Variants in SPECC1L observed in about 807,000 individuals in gnomAD.
The protein encoded by SPECC1L is sperm antigen with calponin homology and coiled-coil domains 1 like, also known as cytospin-A.
SPECC1L carries 40 observed loss-of-function variants against 116.8 expected under a neutral mutation model. That is an observed-to-expected ratio of 0.34 (90% CI 0.27 to 0.45). The LOEUF is 0.45. SPECC1L is among the 20% of genes least tolerant of loss of function. The probability of loss-of-function intolerance (pLI) is 1.00; values close to 1 mark genes in which losing one functional copy is unlikely to be tolerated. For synonymous variants in SPECC1L, 504 were observed against 500.6 expected (o/e 1.01, Z -0.09); for missense variants, 1,110 against 1,373.6 (o/e 0.81, Z 3.03).
intron 7 of SPECC1L, among the ~76,000 whole-genome samples, chr22:24,329,586 G>A (rs139985991): frequency 9.9e-5 from 15 of 152,266 alleles, no homozygotes; most frequent in African/African-American, 3.6e-4. Context: ...AATTGCTTTA[G>A]GGGTGTAGGG....
intron 14 of SPECC1L, among the ~76,000 whole-genome samples, chr22:24,381,741 A>G (rs1294289572): frequency 6.6e-6 from 1 of 151,922 alleles, no homozygotes; most frequent in Non-Finnish European, 1.5e-5. Context: ...AAAATTAGCC[A>G]GGCGTGGTGG....
chr22:24,288,615 C>CTTTTTTTTTT lies in SPECC1L; in HGVS notation c.-38+11832_-38+11841dup, dbSNP rs756714389. Among the ~76,000 whole-genome samples, 16 of 61,678 alleles carry CTTTTTTTTTT rather than the reference C, an allele frequency of 2.6e-4. 2 individuals are homozygous for CTTTTTTTTTT. Among genetic ancestry groups the CTTTTTTTTTT allele is most frequent in the East Asian group, 1.9e-3 (3 of 1,586 alleles). The allele number at this position is 61,678 out of a possible 152,430, so 40.5% of individuals were successfully genotyped here. ...GACTTCTCAAATCCAAAATTTTAAG[C>CTTTTTTTTTT]TTTTTTTTTTTTTTTTTTTTTTTTT... On this transcript the variant is annotated intron_variant, in intron 2 of 16. Coordinates refer to ENST00000314328, the MANE Select transcript of SPECC1L (RefSeq NM_015330.6).
At chr22:24,401,702 A>G (rs182870971) in intron 14 of SPECC1L, among the ~76,000 whole-genome samples, 26 of 152,276 alleles carry the variant, frequency 1.7e-4, no homozygotes, top group Admixed American at 1.4e-3. Context: ...GTCACATTTT[A>G]GATGTACCAC....
At chr22:24,353,281 C>T (rs1232097928) in intron 11 of SPECC1L, among the ~76,000 whole-genome samples, 1 of 152,138 alleles carries the variant, frequency 6.6e-6, no homozygotes, top group African/African-American at 2.4e-5. Flanking sequence ...CTTTAGTCCC[C>T]ACCAGTCTGC....
intron 14 of SPECC1L, among the ~76,000 whole-genome samples, chr22:24,391,726 C>T (rs547375695): frequency 2.6e-5 from 4 of 152,300 alleles, no homozygotes; most frequent in African/African-American, 9.6e-5. Context: ...GTTACTTCAC[C>T]AACTAGATGG....
intron 10 of SPECC1L, among the ~76,000 whole-genome samples, chr22:24,344,121 T>A (rs952367145): frequency 6.6e-6 from 1 of 152,108 alleles, no homozygotes; most frequent in Admixed American, 6.5e-5. Flanking sequence ...GAAGCTAGCA[T>A]TACCTGATAG....
chr22:24,314,137 T>C (rs770686299), intron 4 of SPECC1L, among the ~76,000 whole-genome samples: 1 of 151,794 alleles, frequency 6.6e-6, no homozygotes, highest in Non-Finnish European at 1.5e-5. Flanking sequence ...CTTCGCCTCC[T>C]GGGTTGATGC....
chr22:24,405,959 G>A (rs1393510192), intron 14 of SPECC1L, among the ~76,000 whole-genome samples: 1 of 152,154 alleles, frequency 6.6e-6, no homozygotes, highest in Non-Finnish European at 1.5e-5. Context: ...AGGGTAGTGT[G>A]CCCAGGAAGT....
intron 14 of SPECC1L, among the ~76,000 whole-genome samples, chr22:24,394,609 C>T (rs1200650663): frequency 6.6e-6 from 1 of 152,170 alleles, no homozygotes; most frequent in Non-Finnish European, 1.5e-5. Context: ...TCAGAAGCTG[C>T]CCAACTGTCT....
chr22:24,393,477 C>T (rs992199007), intron 14 of SPECC1L, among the ~76,000 whole-genome samples: 5 of 152,182 alleles, frequency 3.3e-5, no homozygotes, highest in African/African-American at 9.7e-5. Context: ...TGCCAGTTAG[C>T]GTCCACCCAG....
At position 24,416,575 on chromosome 22, in the gene SPECC1L, T is replaced by C. The variant is rs1043013574; in HGVS notation, c.*1952T>C. On this transcript the variant is annotated 3_prime_UTR_variant, in exon 17 of 17. Transcript: ENST00000314328. ...TTGCCTTCACAGAGGCCACTCCACC[T>C]GTCCGGATCCAGCTGTCTGGTCATG... is the stretch of plus-strand genomic sequence containing the variant. 5 of 152,322 alleles carry C rather than the reference T, an allele frequency of 3.3e-5. No individual in the cohort carries two copies. The highest frequency in any genetic ancestry group is 9.6e-5 in the African/African-American group (4 of 41,482). The allele number at this position is 152,322 out of a possible 1,614,324, so 9.4% of individuals were successfully genotyped here. A position where few individuals can be genotyped will look rare whatever the true frequency, so the allele number is the denominator to read the frequency against.
chr22:24,347,016 CTG>C, intron 10 of SPECC1L, 68 bp from the exon 11 acceptor site: 3 of 1,166,678 alleles, frequency 2.6e-6, no homozygotes, highest in Non-Finnish European at 2.6e-6. Context: ...AATATCTACT[CTG>C]TGCGGCATTT....
intron 14 of SPECC1L, among the ~76,000 whole-genome samples, chr22:24,396,191 T>C (rs937260673): frequency 6.6e-6 from 1 of 152,156 alleles, no homozygotes; most frequent in Non-Finnish European, 1.5e-5. Flanking sequence ...AGTCATGAAA[T>C]ACATATTTGA....
intron 2 of SPECC1L, among the ~76,000 whole-genome samples, chr22:24,279,147 TATTA>T (rs947992943): frequency 1.3e-5 from 2 of 152,230 alleles, no homozygotes; most frequent in East Asian, 1.9e-4. Context: ...TATATTGCCC[TATTA>T]ATTATTGAGA....
intron 14 of SPECC1L, among the ~76,000 whole-genome samples, chr22:24,383,853 A>C (rs1403257631): frequency 8.4e-6 from 1 of 119,566 alleles, no homozygotes; most frequent in Non-Finnish European, 1.6e-5. Context: ...GGGTTTTGCC[A>C]TGTTGTCCAG....
At chr22:24,389,519 T>G (rs1333299432) in intron 14 of SPECC1L, among the ~76,000 whole-genome samples, 1 of 139,526 alleles carries the variant, frequency 7.2e-6, no homozygotes, top group Non-Finnish European at 1.6e-5. Flanking sequence ...GGCTTTCGGG[T>G]TTTTTTTTTT....
intron 14 of SPECC1L, among the ~76,000 whole-genome samples, chr22:24,381,171 A>G (rs561724454): frequency 3.9e-5 from 6 of 152,298 alleles, no homozygotes; most frequent in East Asian, 1.9e-4. Context: ...CTTGTGTTGC[A>G]TCACTGTTTT....
Position 24,347,375 on chromosome 22 carries a change from A to C in SPECC1L, c.2743+199A>C, listed in dbSNP as rs62233135. ...TGTTAATGAATGCATCTTTCCTGACAGCTGTCATAATGGGTAATAGAGAGT... is the reference window on the plus strand; with the variant it reads ...TGTTAATGAATGCATCTTTCCTGACCGCTGTCATAATGGGTAATAGAGAGT... On this transcript the variant is annotated intron_variant, in intron 11 of 16. Transcript: ENST00000314328. Among the ~76,000 whole-genome samples, 1,123 of 152,328 alleles carry C rather than the reference A, an allele frequency of 7.4e-3. 5 individuals are homozygous for C. The highest frequency in any genetic ancestry group is 0.013 in the South Asian group (61 of 4,826).
At chr22:24,324,141 A>C (rs2040773100) in intron 5 of SPECC1L, 79 bp from the exon 6 acceptor site, 2 of 1,188,946 alleles carry the variant, frequency 1.7e-6, no homozygotes, top group Non-Finnish European at 2.5e-6. Flanking sequence ...CCCCTTGGAA[A>C]CTGTGTGTAC....
Sources: gnomAD v4.1 joint callset for allele counts (sites outside exome capture counted in the v4.1 genomes callset) on GRCh38, gnomAD v4.1.1 for gene constraint, MANE v1.5 for transcripts, NCBI Gene and HGNC (gene_info 2026-07-23, HGNC 2026-07-21) for gene names.